TRANK1: variants seen among roughly 807,000 people sequenced by gnomAD.
TRANK1 encodes TPR and ankyrin repeat-containing protein 1.
TRANK1 carries 198 observed loss-of-function variants against 266.0 expected under a neutral mutation model. That is an observed-to-expected ratio of 0.74 (90% CI 0.66 to 0.84). TRANK1 has a LOEUF of 0.84. TRANK1 is among the 40% of genes least tolerant of loss of function. The pLI, the probability that TRANK1 is intolerant of heterozygous loss-of-function variation, is 0.00. For synonymous variants in TRANK1, 1,396 were observed against 1,384.1 expected, an observed-to-expected ratio of 1.01 and a Z score of -0.19; for missense variants, 3,326 against 3,634.6, an observed-to-expected ratio of 0.92 and a Z score of 2.18.
At chr3:36,873,614 T>C (rs544415885) in intron 9 of TRANK1, among the ~76,000 whole-genome samples, 1 of 152,214 alleles carries the variant, frequency 6.6e-6, no homozygotes, top group Middle Eastern at 3.4e-3. Flanking sequence ...AGTTAAGAAA[T>C]AGAATATAAA....
At chr3:36,940,645 G>A (rs2080484954) in intron 1 of TRANK1, among the ~76,000 whole-genome samples, 1 of 152,172 alleles carries the variant, frequency 6.6e-6, no homozygotes, top group Admixed American at 6.5e-5. Flanking sequence ...GAAGGATTCA[G>A]GAGCTGGGAA....
chr3:36,911,880 T>C (rs1279692220), intron 1 of TRANK1, among the ~76,000 whole-genome samples: 1 of 152,184 alleles, frequency 6.6e-6, no homozygotes, highest in Non-Finnish European at 1.5e-5. Flanking sequence ...CATCATTGTG[T>C]CTTTTCATTC....
intron 1 of TRANK1, among the ~76,000 whole-genome samples, chr3:36,913,448 CTTTG>C (rs2080081589): frequency 6.6e-6 from 1 of 150,636 alleles, no homozygotes; most frequent in African/African-American, 2.5e-5. Context: ...CTTTTTCTTG[CTTTG>C]TTTCTCTCCT....
At chr3:36,874,368 C>A in intron 8 of TRANK1, 72 bp from the exon 9 acceptor site, 2 of 1,472,524 alleles carry the variant, frequency 1.4e-6, no homozygotes, top group Admixed American at 2.2e-5. Flanking sequence ...GAGTGCTCTT[C>A]TTCTCAGTCT....
chr3:36,906,740 AAGGAAGTG>A (rs2079974085), intron 2 of TRANK1, among the ~76,000 whole-genome samples: 6 of 152,170 alleles, frequency 3.9e-5, no homozygotes, highest in Non-Finnish European at 8.8e-5. Flanking sequence ...TGAGAAAGGC[AAGGAAGTG>A]CCTTCTCCCC....
chr3:36,842,630 A>T lies in TRANK1; in HGVS notation c.5272T>A (p.Cys1758Ser). 8 of 1,613,888 alleles carry T rather than the reference A, an allele frequency of 5.0e-6. No individual in the cohort carries two copies. The highest frequency in any genetic ancestry group is 6.8e-6 in the Non-Finnish European group (8 of 1,179,866). The change falls in exon 18 of 24, where the codon TGC becomes AGC. Residue 1758 changes from cysteine to serine, a missense_variant. Transcript: ENST00000645898. ...AQGDYYAKHQ[C>S]WKVAAKCYQK... ...CTAGTCCAACCCCTTACCTTCCAGCACTGGTGCTTGGCGTAGTAATCTCCC... is the reference window on the plus strand; with the variant it reads ...CTAGTCCAACCCCTTACCTTCCAGCTCTGGTGCTTGGCGTAGTAATCTCCC...
At position 36,857,982 on chromosome 3, in the gene TRANK1, G is replaced by A. The variant is rs1172172476; in HGVS notation, c.1740C>T (p.Asp580=). 1 of 1,599,138 alleles carries A rather than the reference G, an allele frequency of 6.3e-7. No homozygotes were observed. The highest frequency in any genetic ancestry group is 8.5e-7 in the Non-Finnish European group (1 of 1,179,172). ...TGTCCTGGACATTGGGGTTGAGGTAGTCGAATTCAGTGGGGTTGGACCAAA... is the reference window on the plus strand; with the variant it reads ...TGTCCTGGACATTGGGGTTGAGGTAATCGAATTCAGTGGGGTTGGACCAAA... The part of the protein sequence containing the change: ...DLFWSNPTEF[D]YLNPNVQDSN... The change falls in exon 13 of 24, where the codon GAC becomes GAT. Residue 580 remains aspartate (D), a synonymous_variant. Transcript: ENST00000645898. This position sits in a 1 kb window ranked among gnomAD's most constrained non-coding sequence, Gnocchi z 4.3.
At chr3:36,836,205 C>T (rs1233520563) in intron 20 of TRANK1, among the ~76,000 whole-genome samples, 1 of 152,218 alleles carries the variant, frequency 6.6e-6, no homozygotes, top group African/African-American at 2.4e-5. Flanking sequence ...TGAAGTGAAG[C>T]ATGTGCATAC....
chr3:36,833,115 A>G lies in TRANK1; in HGVS notation c.6468T>C (p.His2156=). The change falls in exon 22 of 24, where the codon CAT becomes CAC. Residue 2156 remains histidine (H), a synonymous_variant. Transcript: ENST00000645898. ...LNLREKKTKD[H]FLIMTDQVKL... The stretch of plus-strand genomic sequence containing the variant: ...TCACTTGGTCAGTCATTATCAAAAA[A>G]TGATCTTTTGTTTTTTTCTCTCTCA... 6.2e-7 allele frequency: 1 copy of G among 1,612,554 alleles called. No homozygotes were observed. The highest frequency in any genetic ancestry group is 8.5e-7 in the Non-Finnish European group (1 of 1,179,150).
In TRANK1 at chr3:36,855,744, G is replaced by A. The variant is rs750675984; in HGVS notation, c.3978C>T (p.Phe1326=). Residue 1326 remains phenylalanine, a synonymous_variant, in exon 13 of 24, where the codon TTC becomes TTT. Coordinates refer to ENST00000645898, the MANE Select transcript of TRANK1 (RefSeq NM_001329998.2). ...DPRVYVTFEV[F]KNEIWPKMTK... Reference sequence around the variant, plus strand: ...TCATTTTGGGCCATATTTCATTTTTGAACACCTCAAACGTCACGTACACCC... The same window carrying A: ...TCATTTTGGGCCATATTTCATTTTTAAACACCTCAAACGTCACGTACACCC... 1.1e-5 allele frequency: 17 copies of A among 1,613,502 alleles called. No individual in the cohort carries two copies. The highest frequency in any genetic ancestry group is 1.4e-5 in the Non-Finnish European group (17 of 1,179,802).
chr3:36,889,232 G>A (rs2125601578), intron 8 of TRANK1, among the ~76,000 whole-genome samples: 1 of 152,262 alleles, frequency 6.6e-6, no homozygotes, highest in South Asian at 2.1e-4. Flanking sequence ...AGCAAAAACT[G>A]AGGGGTCTGA....
At chr3:36,893,682 A>G (rs1445541723) in intron 5 of TRANK1, among the ~76,000 whole-genome samples, 1 of 152,210 alleles carries the variant, frequency 6.6e-6, no homozygotes, top group Non-Finnish European at 1.5e-5. Context: ...CACAGGTCTC[A>G]CAGCACATCT....
In TRANK1 at chr3:36,886,768, CG is replaced by C. The variant is rs1352717031; in HGVS notation, c.907+3060del. ...TTTACTAAAAATACAATAAATTAGCCGGGCATAGTAGCACGCATCTGTACTC... is the reference window on the plus strand; with the variant it reads ...TTTACTAAAAATACAATAAATTAGCCGGCATAGTAGCACGCATCTGTACTC... On this transcript the variant is annotated intron_variant, in intron 8 of 23. Coordinates refer to ENST00000645898, the MANE Select transcript of TRANK1 (RefSeq NM_001329998.2). 2.6e-5 allele frequency among the ~76,000 whole-genome samples: 4 copies of C among 151,998 alleles called. No homozygotes were observed. The South Asian group carries it at 6.3e-4, about 24-fold the overall frequency.
intron 8 of TRANK1, among the ~76,000 whole-genome samples, chr3:36,879,673 A>AAT (rs1338256553): frequency 2.4e-5 from 2 of 83,588 alleles, no homozygotes; most frequent in African/African-American, 6.6e-5. Flanking sequence ...AATATATATA[A>AAT]ATATATAAAT....
chr3:36,865,509 C>T (rs2079203545), intron 9 of TRANK1, among the ~76,000 whole-genome samples: 1 of 152,188 alleles, frequency 6.6e-6, no homozygotes, highest in African/African-American at 2.4e-5. Context: ...AAGGAGCCAT[C>T]TCTCTGGCCA....
At chr3:36,888,454 C>T (rs2079638879) in intron 8 of TRANK1, among the ~76,000 whole-genome samples, 2 of 152,162 alleles carry the variant, frequency 1.3e-5, no homozygotes, top group African/African-American at 2.4e-5. Flanking sequence ...TTTAACTGTA[C>T]ACTTTAAACA....
At chr3:36,935,991 C>G (rs2080420063) in intron 1 of TRANK1, among the ~76,000 whole-genome samples, 1 of 151,510 alleles carries the variant, frequency 6.6e-6, no homozygotes, top group South Asian at 2.1e-4. Context: ...GGTTTTGTTA[C>G]TTGGGGAAAA....
intron 13 of TRANK1, among the ~76,000 whole-genome samples, chr3:36,853,717 A>G (rs1422680802): frequency 1.3e-5 from 2 of 152,252 alleles, no homozygotes; most frequent in African/African-American, 4.8e-5. Context: ...CATACTATAC[A>G]TGGATAAACC....
rs372627254 is a variant in TRANK1, at chr3:36,832,196, A to G, written c.7387T>C (p.Cys2463Arg). The change falls in exon 22 of 24, where the codon TGT becomes CGT. Residue 2463 changes from cysteine (C) to arginine (R), a missense_variant. Transcript: ENST00000645898. ...CAGAGGCGGGCCAGCACCACCCCACAGTGGATGAACTGGAACTCCAGGAGG... is the reference window on the plus strand; with the variant it reads ...CAGAGGCGGGCCAGCACCACCCCACGGTGGATGAACTGGAACTCCAGGAGG... Reference protein sequence around the residue: ...VALLEFQFIHCGVVLARLWKN... With the variant: ...VALLEFQFIHRGVVLARLWKN... 3.8e-5 allele frequency: 61 copies of G among 1,613,868 alleles called. No homozygotes were observed. The highest frequency in any genetic ancestry group is 5.1e-5 in the Non-Finnish European group (60 of 1,179,878).
Sources: allele counts gnomAD v4.1 joint callset (sites outside exome capture counted in the v4.1 genomes callset), GRCh38; gene constraint gnomAD v4.1.1; non-coding constraint Gnocchi (gnomAD v3.1); transcripts MANE v1.5; gene names NCBI Gene and HGNC (gene_info 2026-07-23, HGNC 2026-07-21).